Variants in TMEM135 observed in about 807,000 individuals in gnomAD.
TMEM135 encodes the protein transmembrane protein 135.
In TMEM135, 30 loss-of-function variants were observed where a neutral mutation model predicts 60.3. The observed-to-expected ratio is 0.50, with a 90% CI of 0.37 to 0.68. TMEM135 has a LOEUF of 0.68. TMEM135 is among the 30% of genes least tolerant of loss of function. TMEM135 has a pLI of 0.00. For synonymous variants in TMEM135, 190 were observed against 186.7 expected, an observed-to-expected ratio of 1.02 and a Z score of -0.14; for missense variants, 468 against 548.8, an observed-to-expected ratio of 0.85 and a Z score of 1.47.
At chr11:87,175,347 C>G (rs1415445448) in intron 5 of TMEM135, among the ~76,000 whole-genome samples, 1 of 149,032 alleles carries the variant, frequency 6.7e-6, no homozygotes, top group African/African-American at 2.5e-5. Flanking sequence ...TGCATTATTG[C>G]ATACTCCTGA....
Position 87,263,951 on chromosome 11 carries a change from T to G in TMEM135, c.509+27267T>G, listed in dbSNP as rs147681470. On this transcript the variant is annotated intron_variant, in intron 6 of 14. Transcript: ENST00000305494. ...AATACCACATTGTGATGGCAAGCCT[T>G]TTAGAAAGGAAATATGAAATTAAAT... is the stretch of plus-strand genomic sequence containing the variant. Among the ~76,000 whole-genome samples, 52 of 152,118 alleles carry G rather than the reference T, an allele frequency of 3.4e-4. 2 individuals carry two copies. In the East Asian group the frequency reaches 9.8e-3, roughly 29 times the overall value.
rs1404058733 is a variant in TMEM135, at chr11:87,325,266, G to T, written c.*3933G>T. 1.3e-5 allele frequency: 6 copies of T among 453,918 alleles called. No individual in the cohort carries two copies. The highest frequency in any genetic ancestry group is 1.8e-5 in the Non-Finnish European group (4 of 226,800). The allele number at this position is 453,918 out of a possible 1,614,324, so 28.1% of individuals were successfully genotyped here. On this transcript the variant is annotated 3_prime_UTR_variant, in exon 15 of 15. Transcript: ENST00000305494. The stretch of plus-strand genomic sequence containing the variant: ...CTACAAAGAAATGAAACTGACTCTA[G>T]TGTGTGTGACTTCTGGAAACAGAAG...
intron 7 of TMEM135, among the ~76,000 whole-genome samples, chr11:87,300,137 C>T (rs1434073341): frequency 6.6e-6 from 1 of 152,134 alleles, no homozygotes; most frequent in Non-Finnish European, 1.5e-5. Context: ...TCACTCTGCA[C>T]CAGATACTGA....
At chr11:87,313,721 G>A (rs1447851104) in intron 11 of TMEM135, among the ~76,000 whole-genome samples, 2 of 151,638 alleles carry the variant, frequency 1.3e-5, no homozygotes, top group Non-Finnish European at 3.0e-5. Context: ...CCTGCTATAG[G>A]CCATAAATCC....
intron 6 of TMEM135, among the ~76,000 whole-genome samples, chr11:87,252,179 C>G (rs1189848813): frequency 6.6e-6 from 1 of 151,942 alleles, no homozygotes; most frequent in Non-Finnish European, 1.5e-5. Context: ...AGACTAGACT[C>G]TGGGAAAGTT....
In TMEM135 at chr11:87,326,754, C is replaced by A. The variant is rs757773228; in HGVS notation, c.*5421C>A. 2 of 446,376 alleles carry A rather than the reference C, an allele frequency of 4.5e-6. No homozygotes were observed. Among genetic ancestry groups the A allele is most frequent in the Admixed American group, 2.4e-5 (1 of 40,878 alleles). The allele number at this position is 446,376 out of a possible 1,614,324, so 27.7% of individuals were successfully genotyped here. A position where few individuals can be genotyped will look rare whatever the true frequency, so the allele number is the denominator to read the frequency against. On this transcript the variant is annotated 3_prime_UTR_variant, in exon 15 of 15. Coordinates refer to ENST00000305494, the MANE Select transcript of TMEM135 (RefSeq NM_022918.4). ...GAAAATTGAAGGTAAATAATATCTGCAAAGCTTCAGGAAGAAATTCAGTTG... is the reference window on the plus strand; with the variant it reads ...GAAAATTGAAGGTAAATAATATCTGAAAAGCTTCAGGAAGAAATTCAGTTG...
intron 1 of TMEM135, among the ~76,000 whole-genome samples, chr11:87,053,693 G>A (rs1949864168): frequency 6.6e-6 from 1 of 152,092 alleles, no homozygotes; most frequent in Non-Finnish European, 1.5e-5. Flanking sequence ...GCCTAATAGT[G>A]GTTGATGCTT....
intron 8 of TMEM135, 79 bp downstream of exon 8, chr11:87,302,521 G>T: frequency 6.3e-7 from 1 of 1,579,546 alleles, no homozygotes; most frequent in African/African-American, 1.3e-5. Flanking sequence ...GGTTATTTTT[G>T]TTTTCTATTC....
chr11:87,127,100 T>C (rs1005099851), intron 4 of TMEM135, among the ~76,000 whole-genome samples: 1 of 152,226 alleles, frequency 6.6e-6, no homozygotes, highest in Non-Finnish European at 1.5e-5. Flanking sequence ...CTGTTTACTT[T>C]GTTAAAACCA....
intron 5 of TMEM135, among the ~76,000 whole-genome samples, chr11:87,184,579 T>C (rs17149800): frequency 0.1 from 15,559 of 152,212 alleles, 825 homozygotes; most frequent in African/African-American, 0.12. Context: ...ACTATAGATA[T>C]GACAAATTGT....
intron 5 of TMEM135, among the ~76,000 whole-genome samples, chr11:87,175,472 A>G (rs549993827): frequency 1.8e-4 from 28 of 152,094 alleles, no homozygotes; most frequent in South Asian, 6.2e-4. Context: ...GTCTGTACCA[A>G]CTCTGTGTGT....
At chr11:87,184,143 T>C (rs1939593421) in intron 5 of TMEM135, among the ~76,000 whole-genome samples, 1 of 152,140 alleles carries the variant, frequency 6.6e-6, no homozygotes, top group South Asian at 2.1e-4. Context: ...TTTAGAATAT[T>C]ATATGTGAAA....
At chr11:87,068,228 A>T (rs1856704793) in intron 2 of TMEM135, among the ~76,000 whole-genome samples, 1 of 152,196 alleles carries the variant, frequency 6.6e-6, no homozygotes, top group East Asian at 1.9e-4. Flanking sequence ...TTTTATTTGT[A>T]AAACAGTAAG....
At chr11:87,320,243 A>G (rs989018002) in intron 14 of TMEM135, among the ~76,000 whole-genome samples, 1 of 152,184 alleles carries the variant, frequency 6.6e-6, no homozygotes, top group Non-Finnish European at 1.5e-5. Flanking sequence ...ACTAAAATGT[A>G]CAAAGGGGTT....
intron 5 of TMEM135, among the ~76,000 whole-genome samples, chr11:87,168,065 C>T (rs1163611408): frequency 1.3e-5 from 2 of 152,138 alleles, no homozygotes; most frequent in Admixed American, 1.3e-4. Flanking sequence ...GGAATTTATC[C>T]ATTTCTTCTA....
At chr11:87,175,876 T>C (rs1939353569) in intron 5 of TMEM135, among the ~76,000 whole-genome samples, 2 of 152,186 alleles carry the variant, frequency 1.3e-5, no homozygotes, top group Admixed American at 6.5e-5. Flanking sequence ...AGAAAATGTT[T>C]CTTTGTAGAA....
At chr11:87,158,068 G>A (rs1030335459) in intron 5 of TMEM135, among the ~76,000 whole-genome samples, 5 of 152,020 alleles carry the variant, frequency 3.3e-5, no homozygotes, top group African/African-American at 9.7e-5. Flanking sequence ...TATTCTAATG[G>A]CAAATACTTA....
chr11:87,128,708 A>G (rs1937809095), intron 4 of TMEM135, among the ~76,000 whole-genome samples: 1 of 152,188 alleles, frequency 6.6e-6, no homozygotes, highest in African/African-American at 2.4e-5. Context: ...TTACTTTTAA[A>G]TAAAACCAAA....
At chr11:87,065,342 C>T (rs1261397776) in intron 1 of TMEM135, among the ~76,000 whole-genome samples, 1 of 152,062 alleles carries the variant, frequency 6.6e-6, no homozygotes, top group Non-Finnish European at 1.5e-5. Context: ...TTTCTGAATC[C>T]TTCCAACATT....
Sources: allele counts gnomAD v4.1 joint callset (sites outside exome capture counted in the v4.1 genomes callset), GRCh38; gene constraint gnomAD v4.1.1; transcripts MANE v1.5; gene names NCBI Gene and HGNC (gene_info 2026-07-23, HGNC 2026-07-21).